The following MCM10 variants were observed in gnomAD, a reference collection of about 807,000 sequenced individuals.
MCM10 encodes the protein minichromosome maintenance 10 replication initiation factor.
MCM10 carries 91 observed loss-of-function variants against 109.9 expected under a neutral mutation model. The observed-to-expected ratio is 0.83, with a 90% CI of 0.70 to 0.99. The LOEUF is 0.99. Ranked by LOEUF, MCM10 falls within the 50% of genes least tolerant of loss-of-function variation. The pLI is 0.00. For synonymous variants in MCM10, 380 were observed against 387.2 expected (o/e 0.98, Z 0.22); for missense variants, 1,077 against 1,061.2 (o/e 1.01, Z -0.21).
At chr10:13,188,319 C>T (rs1385346495) in intron 9 of MCM10, among the ~76,000 whole-genome samples, 1 of 152,068 alleles carries the variant, frequency 6.6e-6, no homozygotes, top group Non-Finnish European at 1.5e-5. Flanking sequence ...TTTATTGGGT[C>T]AAAATTCACA....
In MCM10 at chr10:13,195,265, A is replaced by C; in HGVS notation, c.1970A>C (p.Lys657Thr). The change falls in exon 14 of 20, where the codon AAA (lysine) becomes ACA (threonine). Residue 657 changes from lysine (K) to threonine (T), a missense_variant. By Grantham distance (78) the Lys-to-Thr change is moderately conservative. Transcript: ENST00000378714. ...RPKLSALAEAKKLAAITKLRA... is the reference protein window; with the variant it reads ...RPKLSALAEATKLAAITKLRA... Reference sequence around the variant, plus strand: ...AAACTGAGTGCTTTAGCAGAAGCCAAAAAGGTAACTGGCATCTCTTCTCTT... The same window carrying C: ...AAACTGAGTGCTTTAGCAGAAGCCACAAAGGTAACTGGCATCTCTTCTCTT... 6.3e-7 allele frequency: 1 copy of C among 1,593,232 alleles called. No homozygotes were observed.
chr10:13,205,812 CTG>C (rs1370702938), intron 18 of MCM10, among the ~76,000 whole-genome samples: 1 of 152,170 alleles, frequency 6.6e-6, no homozygotes, highest in African/African-American at 2.4e-5. Flanking sequence ...GGTAGGCTGA[CTG>C]TGTGTGTTGT....
At chr10:13,162,283 AAG>A (rs145239033) in intron 1 of MCM10, among the ~76,000 whole-genome samples, 4,861 of 152,240 alleles carry the variant, frequency 0.032, 270 homozygotes, top group African/African-American at 0.11. Context: ...AAAGCTTGGA[AAG>A]AGAGAGAGAA....
chr10:13,208,571 A>G (rs1291400886), intron 18 of MCM10, among the ~76,000 whole-genome samples: 2 of 126,972 alleles, frequency 1.6e-5, no homozygotes, highest in African/African-American at 6.9e-5. Context: ...CTCTCCAAAA[A>G]AAAAAAAAAA....
At chr10:13,205,754 T>G (rs1834571748) in intron 18 of MCM10, among the ~76,000 whole-genome samples, 1 of 152,216 alleles carries the variant, frequency 6.6e-6, no homozygotes, top group Non-Finnish European at 1.5e-5. Context: ...ATGAGTGTTT[T>G]TCCGAATACT....
chr10:13,163,330 C>T (rs1164129492), intron 1 of MCM10, among the ~76,000 whole-genome samples: 1 of 152,048 alleles, frequency 6.6e-6, no homozygotes, highest in Non-Finnish European at 1.5e-5. Flanking sequence ...GAGCGAGATC[C>T]TGTCTAAAAA....
At chr10:13,195,313 T>A in intron 14 of MCM10, 44 bp downstream of exon 14, 1 of 1,462,060 alleles carries the variant, frequency 6.8e-7, no homozygotes, top group Non-Finnish European at 9.3e-7. Context: ...TTGCATTCTG[T>A]AGAGCAGAGC....
rs534283334 is a variant in MCM10, at chr10:13,174,201, G to A, written c.593-1309G>A. Among the ~76,000 whole-genome samples, 8 of 144,964 alleles carry A rather than the reference G, an allele frequency of 5.5e-5. No individual in the cohort carries two copies. In the South Asian group the frequency reaches 1.6e-3, roughly 28 times the overall value. ...TCTGTCACCCAGGTTGGAGTGCAGT[G>A]GGATGATCTGGGCTCACTGCAACCT... On this transcript the variant is annotated intron_variant, in intron 5 of 19. Transcript: ENST00000378714.
chr10:13,173,554 C>T (rs773108241), intron 5 of MCM10, among the ~76,000 whole-genome samples: 2 of 152,090 alleles, frequency 1.3e-5, no homozygotes, highest in Non-Finnish European at 2.9e-5. Flanking sequence ...GCCGGGAGAC[C>T]TAAGACAAGA....
chr10:13,193,167 A>T (rs777357975), intron 13 of MCM10, among the ~76,000 whole-genome samples: 5 of 152,110 alleles, frequency 3.3e-5, no homozygotes, highest in Admixed American at 3.3e-4. Context: ...GCCGCAATTC[A>T]GTTTTTTATG....
chr10:13,186,056 C>T, intron 8 of MCM10, 108 bp from the exon 9 acceptor site: 1 of 671,664 alleles, frequency 1.5e-6, no homozygotes, highest in South Asian at 1.7e-5. Context: ...GCCACTGCGC[C>T]TGGCAATAAC....
intron 8 of MCM10, among the ~76,000 whole-genome samples, chr10:13,185,602 A>G (rs372966771): frequency 6.6e-6 from 1 of 152,230 alleles, no homozygotes; most frequent in African/African-American, 2.4e-5. Context: ...AACAGGATCT[A>G]TGACCTGAGG....
intron 10 of MCM10, among the ~76,000 whole-genome samples, chr10:13,189,305 G>A (rs919281076): frequency 1.3e-5 from 2 of 151,872 alleles, no homozygotes; most frequent in Middle Eastern, 3.2e-3. Context: ...CTTTAAGAGA[G>A]CCCACTCTTC....
At chr10:13,163,120 C>G (rs1370971764) in intron 1 of MCM10, among the ~76,000 whole-genome samples, 4 of 150,764 alleles carry the variant, frequency 2.7e-5, no homozygotes, top group African/African-American at 4.9e-5. Flanking sequence ...TGATGGATCA[C>G]TTGACATCAG....
intron 8 of MCM10, among the ~76,000 whole-genome samples, chr10:13,185,807 C>G (rs896412662): frequency 1.3e-5 from 2 of 152,236 alleles, no homozygotes; most frequent in Non-Finnish European, 1.5e-5. Context: ...GTTGCCCAGG[C>G]TGGAGTGCAG....
intron 8 of MCM10, among the ~76,000 whole-genome samples, chr10:13,185,332 A>T (rs920904433): frequency 6.6e-5 from 10 of 152,234 alleles, no homozygotes; most frequent in Admixed American, 3.3e-4. Context: ...TATTCAGGAC[A>T]GTCCCTCTTG....
rs144154064 is a variant in MCM10 at position 13,181,048 on chromosome 10, G to A, written c.930+441G>A. On this transcript the variant is annotated intron_variant, in intron 7 of 19. Coordinates refer to ENST00000378714, the MANE Select transcript of MCM10 (RefSeq NM_018518.5). The stretch of plus-strand genomic sequence containing the variant: ...TGCCGTGTGATATATTTAATTTGAT[G>A]GTTATTACCAAAGATCTAACAAGTT... 3.2e-3 allele frequency among the ~76,000 whole-genome samples: 488 copies of A among 152,264 alleles called. 5 individuals carry two copies. Among genetic ancestry groups the A allele is most frequent in the Middle Eastern group, 0.02 (6 of 294 alleles).
chr10:13,207,722 C>T (rs1433280589), intron 18 of MCM10, among the ~76,000 whole-genome samples: 1 of 152,206 alleles, frequency 6.6e-6, no homozygotes, highest in Non-Finnish European at 1.5e-5. Flanking sequence ...TAAGACATGC[C>T]TTTGCTCTTC....
chr10:13,197,907 G>C, intron 15 of MCM10, 140 bp downstream of exon 15: 1 of 841,812 alleles, frequency 1.2e-6, no homozygotes. Flanking sequence ...AATTTCTATG[G>C]GTGGAACTGA....
Sources: gnomAD v4.1 joint callset for allele counts (sites outside exome capture counted in the v4.1 genomes callset) on GRCh38, gnomAD v4.1.1 for gene constraint, MANE v1.5 for transcripts, NCBI Gene and HGNC (gene_info 2026-07-23, HGNC 2026-07-21) for gene names.